Variants in VTI1A observed in about 807,000 individuals in gnomAD.
VTI1A encodes the protein vesicle transport through interaction with t-SNAREs homolog 1A.
VTI1A carries 22 observed loss-of-function variants against 34.9 expected under a neutral mutation model. The observed-to-expected ratio is 0.63, with a 90% CI of 0.45 to 0.90. VTI1A has a LOEUF of 0.90. Among genes scored for constraint, VTI1A ranks in the 40% least tolerant of loss-of-function variants. The pLI is 0.00. For missense variants in VTI1A, 268 were observed against 275.6 expected (o/e 0.97, Z 0.20); for synonymous variants, 87 against 97.3 (o/e 0.89, Z 0.62).
intron 5 of VTI1A, among the ~76,000 whole-genome samples, chr10:112,618,085 C>T (rs367825136): frequency 1.2e-4 from 18 of 152,016 alleles, no homozygotes; most frequent in East Asian, 5.8e-4. Context: ...ACCCGGGAGG[C>T]GGAGGTTGCA....
At chr10:112,507,763 C>A (rs1849481508) in intron 3 of VTI1A, among the ~76,000 whole-genome samples, 1 of 152,102 alleles carries the variant, frequency 6.6e-6, no homozygotes, top group Non-Finnish European at 1.5e-5. Context: ...GGCTGGTTGA[C>A]CCTATTACCT....
intron 7 of VTI1A, among the ~76,000 whole-genome samples, chr10:112,712,474 T>TCACACACACACACACACA (rs60129148): frequency 1.6e-4 from 23 of 143,484 alleles, no homozygotes; most frequent in African/African-American, 6.0e-4. Context: ...TCAACTATTA[T>TCACACACACACACACACA]CACACACACA....
At chr10:112,734,676 A>G (rs997861487) in intron 7 of VTI1A, among the ~76,000 whole-genome samples, 16 of 148,538 alleles carry the variant, frequency 1.1e-4, no homozygotes, top group Non-Finnish European at 1.9e-4. Flanking sequence ...TTTTTGACAC[A>G]GAGTCTCACT....
intron 5 of VTI1A, among the ~76,000 whole-genome samples, chr10:112,609,828 C>A (rs2134508279): frequency 6.6e-6 from 1 of 152,158 alleles, no homozygotes; most frequent in Middle Eastern, 3.4e-3. Flanking sequence ...GTCCCAAATC[C>A]ATGTGGAAAG....
intron 7 of VTI1A, among the ~76,000 whole-genome samples, chr10:112,757,430 C>T (rs749024321): frequency 7.5e-6 from 1 of 133,444 alleles, no homozygotes; most frequent in Admixed American, 8.5e-5. Flanking sequence ...GCAGTGACAC[C>T]ATCTCAGCTC....
chr10:112,558,427 A>C (rs942110160), intron 5 of VTI1A, among the ~76,000 whole-genome samples: 2 of 152,192 alleles, frequency 1.3e-5, no homozygotes, highest in Non-Finnish European at 2.9e-5. Flanking sequence ...AAGACAGCTT[A>C]TTGATTCAGT....
chr10:112,585,768 A>G (rs941873119), intron 5 of VTI1A, among the ~76,000 whole-genome samples: 5 of 151,880 alleles, frequency 3.3e-5, no homozygotes, highest in Admixed American at 3.3e-4. Context: ...AGAGTACATA[A>G]ACAGTATTCC....
chr10:112,690,674 T>A (rs530548944), intron 7 of VTI1A, among the ~76,000 whole-genome samples: 1 of 152,346 alleles, frequency 6.6e-6, no homozygotes, highest in Non-Finnish European at 1.5e-5. Flanking sequence ...CTGAATTCGC[T>A]TCTTCATCGG....
intron 7 of VTI1A, among the ~76,000 whole-genome samples, chr10:112,742,423 AAG>A (rs1850724294): frequency 6.6e-6 from 1 of 152,228 alleles, no homozygotes; most frequent in South Asian, 2.1e-4. Flanking sequence ...GCTAGGAAAT[AAG>A]AGTTTTGAGC....
At chr10:112,471,013 C>T (rs899265451) in intron 3 of VTI1A, among the ~76,000 whole-genome samples, 2 of 152,140 alleles carry the variant, frequency 1.3e-5, no homozygotes, top group South Asian at 2.1e-4. Flanking sequence ...GCCTGTTTTG[C>T]ATTTGCTGTT....
chr10:112,782,417 G>A lies in VTI1A; in HGVS notation c.561-32873G>A, dbSNP rs150694768. On this transcript the variant is annotated intron_variant, in intron 7 of 7. Transcript: ENST00000393077. ...TTGGCGTCTTTTTCGGCGTGGAAGCGCATGCTCTTTCTCCTTGAGGAGAAG... is the reference window on the plus strand; with the variant it reads ...TTGGCGTCTTTTTCGGCGTGGAAGCACATGCTCTTTCTCCTTGAGGAGAAG... 8.3e-4 allele frequency among the ~76,000 whole-genome samples: 127 copies of A among 152,382 alleles called. 1 individual carries two copies. The highest frequency in any genetic ancestry group is 2.7e-3 in the African/African-American group (111 of 41,596).
At chr10:112,742,158 G>A (rs1850716834) in intron 7 of VTI1A, among the ~76,000 whole-genome samples, 1 of 152,214 alleles carries the variant, frequency 6.6e-6, no homozygotes, top group Admixed American at 6.5e-5. Context: ...TGTGGTGACT[G>A]ACAGGCACTC....
At chr10:112,497,841 AG>A (rs1849082938) in intron 3 of VTI1A, among the ~76,000 whole-genome samples, 1 of 152,200 alleles carries the variant, frequency 6.6e-6, no homozygotes, top group Non-Finnish European at 1.5e-5. Context: ...ATATGTAAAT[AG>A]GTTAAAGTTT....
At chr10:112,532,717 G>A (rs554256633) in intron 4 of VTI1A, among the ~76,000 whole-genome samples, 57 of 152,148 alleles carry the variant, frequency 3.7e-4, no homozygotes, top group African/African-American at 1.3e-3. Context: ...TTTGACTTTA[G>A]TGAAAACAAA....
At chr10:112,473,948 G>A (rs575311634) in intron 3 of VTI1A, among the ~76,000 whole-genome samples, 11 of 152,102 alleles carry the variant, frequency 7.2e-5, no homozygotes, top group Non-Finnish European at 1.2e-4. Flanking sequence ...TGTTAGTAAT[G>A]CTAGCAAATT....
chr10:112,752,269 T>A, intron 7 of VTI1A: 1 of 681,116 alleles, frequency 1.5e-6, no homozygotes. Context: ...CAGGACTGAA[T>A]CCAGCCTGGC....
At chr10:112,834,902 C>T in the VTI1A span, among the ~76,000 whole-genome samples, 38 of 152,294 alleles carry the variant, frequency 2.5e-4, no homozygotes, top group Admixed American at 1.0e-3. Context: ...TCTACACAGG[C>T]CACAGGGAAG....
At chr10:112,830,550 T>C in the VTI1A span, among the ~76,000 whole-genome samples, 1 of 151,260 alleles carries the variant, frequency 6.6e-6, no homozygotes, top group Non-Finnish European at 1.5e-5. Context: ...TTCCTTATCA[T>C]AATACATACT....
rs35159993 is a variant in VTI1A at position 112,795,431 on chromosome 10, C to CTT, written c.561-19841_561-19840dup. 1.8e-3 allele frequency among the ~76,000 whole-genome samples: 229 copies of CTT among 123,980 alleles called. 7 individuals are homozygous for CTT. Among genetic ancestry groups the CTT allele is most frequent in the African/African-American group, 3.7e-3 (122 of 32,662 alleles). The allele number at this position is 123,980 out of a possible 152,430, so 81.3% of individuals were successfully genotyped here. ...TTTCTCCTACACATTCCCTATTACT[C>CTT]TTTTTTTTTTTTTTTTTTTCTGAGA... On this transcript the variant is annotated intron_variant, in intron 7 of 7. Transcript: ENST00000393077.
Sources: allele counts gnomAD v4.1 joint callset (sites outside exome capture counted in the v4.1 genomes callset), GRCh38; gene constraint gnomAD v4.1.1; transcripts MANE v1.5; gene names NCBI Gene and HGNC (gene_info 2026-07-23, HGNC 2026-07-21).